Variants in SORCS1 observed in about 807,000 individuals in gnomAD.
SORCS1 encodes the protein VPS10 domain-containing receptor SorCS1.
A neutral mutation model predicts 146.1 loss-of-function variants in SORCS1; 60 were observed. That is an observed-to-expected ratio of 0.41 (90% confidence interval 0.33 to 0.51). The LOEUF (loss-of-function observed/expected upper bound fraction) is 0.51, where lower values mean the gene tolerates loss of function less well. SORCS1 is among the 20% of genes least tolerant of loss of function. The pLI, the probability that SORCS1 is intolerant of heterozygous loss-of-function variation, is 0.21. For synonymous variants in SORCS1, 637 were observed against 584.0 expected (o/e 1.09, Z -1.31); for missense variants, 1,352 against 1,487.6 (o/e 0.91, Z 1.50).
At chr10:106,997,174 A>G (rs1957037274) in intron 1 of SORCS1, among the ~76,000 whole-genome samples, 1 of 152,108 alleles carries the variant, frequency 6.6e-6, no homozygotes, top group Non-Finnish European at 1.5e-5. Flanking sequence ...ACTCCCCTGA[A>G]GGCAAGAACC....
chr10:107,042,194 T>C (rs1408989754), intron 1 of SORCS1, among the ~76,000 whole-genome samples: 1 of 152,204 alleles, frequency 6.6e-6, no homozygotes, highest in Non-Finnish European at 1.5e-5. Context: ...AGAACTTGTA[T>C]CTATAAATTT....
chr10:107,129,510 C>T (rs1018705875), intron 1 of SORCS1, among the ~76,000 whole-genome samples: 6 of 152,188 alleles, frequency 3.9e-5, no homozygotes, highest in Non-Finnish European at 7.3e-5. Context: ...ACATAATTGC[C>T]TTTGTTCATT....
chr10:106,824,553 C>T (rs910450498), intron 3 of SORCS1, among the ~76,000 whole-genome samples: 3 of 148,116 alleles, frequency 2.0e-5, no homozygotes, highest in African/African-American at 7.5e-5. Flanking sequence ...TGTGCCACTG[C>T]ACTCCAGCCT....
At chr10:107,169,328 G>T (rs993222512), upstream of SORCS1, among the ~76,000 whole-genome samples, 7 of 152,126 alleles carry the variant, frequency 4.6e-5, no homozygotes, top group Admixed American at 1.3e-4. Flanking sequence ...AGAATAATAT[G>T]CAGGCTATTC....
intron 3 of SORCS1, among the ~76,000 whole-genome samples, chr10:106,808,555 T>C (rs1470429363): frequency 2.0e-5 from 3 of 152,070 alleles, no homozygotes; most frequent in Non-Finnish European, 2.9e-5. Flanking sequence ...CAGTCTGGAG[T>C]GCAGTGGCGT....
At chr10:106,680,155 A>C (rs1852329432) in intron 10 of SORCS1, among the ~76,000 whole-genome samples, 1 of 152,234 alleles carries the variant, frequency 6.6e-6, no homozygotes. Flanking sequence ...TCCAAAAAGA[A>C]AACAGTGCCT....
chr10:107,011,873 T>C (rs1397245684), intron 1 of SORCS1, among the ~76,000 whole-genome samples: 1 of 152,230 alleles, frequency 6.6e-6, no homozygotes, highest in Non-Finnish European at 1.5e-5. Flanking sequence ...TATAAAACAC[T>C]AGATCACAAG....
chr10:106,968,021 G>A (rs1208368583), intron 1 of SORCS1, among the ~76,000 whole-genome samples: 3 of 151,260 alleles, frequency 2.0e-5, no homozygotes, highest in South Asian at 2.1e-4. Flanking sequence ...TGGCTAACAC[G>A]GTGAAACCCC....
At chr10:106,607,706 G>T (rs1052769387) in intron 22 of SORCS1, among the ~76,000 whole-genome samples, 4 of 152,162 alleles carry the variant, frequency 2.6e-5, no homozygotes, top group African/African-American at 9.7e-5. Context: ...CATCTCCAAG[G>T]TGGTGACCAT....
At chr10:106,739,918 T>A (rs1290862499) in intron 5 of SORCS1, among the ~76,000 whole-genome samples, 1 of 145,064 alleles carries the variant, frequency 6.9e-6, no homozygotes, top group African/African-American at 2.6e-5. Context: ...GCCATTGAGC[T>A]CCAGCCTGGG....
rs535153834 is a variant in SORCS1 at position 107,143,266 on chromosome 10, C to T, written c.558+20703G>A. Among the ~76,000 whole-genome samples the T allele has an allele frequency of 6.6e-5, 10 of 152,310 alleles. No homozygotes were observed. The South Asian group carries it at 1.9e-3, about 28-fold the overall frequency. On this transcript the variant is annotated intron_variant, in intron 1 of 25. Coordinates refer to ENST00000263054, the MANE Select transcript of SORCS1 (RefSeq NM_052918.5). ...TTGCTATATATGCTTTTCTTCCAAA[C>T]TAAAATGCTGATTATGTCACTCCTT...
rs148089137 is a variant in SORCS1, at chr10:106,926,211, A to G, written c.626+30302T>C. 3.4e-3 allele frequency among the ~76,000 whole-genome samples: 512 copies of G among 152,308 alleles called. 2 individuals are homozygous for G. The highest frequency in any genetic ancestry group is 0.011 in the African/African-American group (477 of 41,566). On this transcript the variant is annotated intron_variant, in intron 2 of 25. Transcript: ENST00000263054. ...GTAATGAAAGAATAGAAATGACCTA[A>G]ATGATAAGCAGGGGGTTAATGTTTT...
chr10:106,806,598 C>T (rs1564680742), intron 3 of SORCS1, among the ~76,000 whole-genome samples: 1 of 137,642 alleles, frequency 7.3e-6, no homozygotes. Context: ...TCACTGCAAG[C>T]TCTGCCTCCC....
intron 1 of SORCS1, among the ~76,000 whole-genome samples, chr10:107,068,087 A>C (rs1274177076): frequency 6.6e-6 from 1 of 152,100 alleles, no homozygotes; most frequent in East Asian, 1.9e-4. Context: ...GCTTGCCCCT[A>C]CCAAAATGAT....
chr10:106,817,702 G>A (rs949003803), intron 3 of SORCS1, among the ~76,000 whole-genome samples: 1 of 152,194 alleles, frequency 6.6e-6, no homozygotes, highest in Non-Finnish European at 1.5e-5. Flanking sequence ...ACCTTTACCA[G>A]TATAAACTCG....
chr10:107,164,280 C>T lies in SORCS1; in HGVS notation c.247G>A (p.Gly83Arg), dbSNP rs1293732697. 6.3e-7 allele frequency: 1 copy of T among 1,597,944 alleles called. No homozygotes were observed. Among genetic ancestry groups the T allele is most frequent in the South Asian group, 1.1e-5 (1 of 90,086 alleles). ...VVRPLFSVAP[G>R]DRALSLERAR... ...CGCTCCAGGGATAGCGCTCGGTCCC[C>T]GGGGGCCACTGAGAACAGGGGACGC... The change falls in exon 1 of 26, where the codon GGG becomes AGG. Residue 83 changes from glycine (G) to arginine (R), a missense_variant. This residue lies in a region of SORCS1 where 490 missense variants were observed against 489.1 expected (regional missense o/e 1.00). Transcript: ENST00000263054. The surrounding 1 kb of genome is among the most constrained non-coding windows in gnomAD (Gnocchi z 6.8).
chr10:107,178,522 C>A, the SORCS1 span, among the ~76,000 whole-genome samples: 1 of 151,334 alleles, frequency 6.6e-6, no homozygotes, highest in Non-Finnish European at 1.5e-5. Context: ...AAGACAGAGT[C>A]TCACTCTGTC....
chr10:107,172,815 T>C, the SORCS1 span, among the ~76,000 whole-genome samples: 1 of 152,188 alleles, frequency 6.6e-6, no homozygotes, highest in Non-Finnish European at 1.5e-5. Flanking sequence ...AATATGGCAA[T>C]TTAAGGCAAA....
intron 1 of SORCS1, among the ~76,000 whole-genome samples, chr10:107,081,001 A>G (rs1489504343): frequency 1.3e-5 from 2 of 152,230 alleles, no homozygotes; most frequent in Admixed American, 1.3e-4. Flanking sequence ...ACCATAAAAA[A>G]AAGATATCAT....
Sources: allele counts gnomAD v4.1 joint callset (sites outside exome capture counted in the v4.1 genomes callset), GRCh38; gene constraint gnomAD v4.1.1; regional missense constraint gnomAD v4.1.1; non-coding constraint Gnocchi (gnomAD v3.1); transcripts MANE v1.5; gene names NCBI Gene and HGNC (gene_info 2026-07-23, HGNC 2026-07-21).